Variants in PEAK1 observed in about 807,000 individuals in gnomAD.
The protein encoded by PEAK1 is pseudopodium enriched atypical kinase 1, also known as inactive tyrosine-protein kinase PEAK1.
In PEAK1, 54 loss-of-function variants were observed where a neutral mutation model predicts 124.7. That is an observed-to-expected ratio of 0.43 (90% CI 0.35 to 0.54). PEAK1 has a LOEUF of 0.54. PEAK1 is among the 20% of genes least tolerant of loss of function. PEAK1 has a pLI of 0.01. For missense variants in PEAK1, 2,046 were observed against 2,134.5 expected (o/e 0.96, Z 0.82); for synonymous variants, 719 against 760.0 (o/e 0.95, Z 0.89).
chr15:77,281,158 C>G (rs1356883367), intron 5 of PEAK1, among the ~76,000 whole-genome samples: 1 of 152,016 alleles, frequency 6.6e-6, no homozygotes, highest in East Asian at 1.9e-4. Flanking sequence ...CAGAGCAAGA[C>G]TCTATCTCAA....
chr15:77,309,550 A>G (rs2064307687), intron 2 of PEAK1, among the ~76,000 whole-genome samples: 2 of 152,164 alleles, frequency 1.3e-5, no homozygotes, highest in Non-Finnish European at 2.9e-5. Flanking sequence ...TGAAAATGAT[A>G]GTAATATGCA....
chr15:77,204,510 A>C (rs1425376947), intron 6 of PEAK1: 1 of 153,156 alleles, frequency 6.5e-6, no homozygotes, highest in Non-Finnish European at 1.5e-5. Flanking sequence ...CCAGCTTCAC[A>C]AAGGCTCTCA....
At chr15:77,217,689 G>A (rs2059210402) in intron 6 of PEAK1, among the ~76,000 whole-genome samples, 1 of 152,124 alleles carries the variant, frequency 6.6e-6, no homozygotes, top group South Asian at 2.1e-4. Flanking sequence ...GCATTGATGT[G>A]GTTAAATCCC....
intron 7 of PEAK1, among the ~76,000 whole-genome samples, chr15:77,160,378 TA>T (rs1293600700): frequency 1.3e-5 from 2 of 152,088 alleles, no homozygotes; most frequent in African/African-American, 2.4e-5. Context: ...TAAAGTCCCT[TA>T]AAAATATCAG....
At chr15:77,360,859 C>A (rs145224583) in intron 2 of PEAK1, among the ~76,000 whole-genome samples, 353 of 152,068 alleles carry the variant, frequency 2.3e-3, no homozygotes, top group South Asian at 4.6e-3. Flanking sequence ...AAAGCCCCTA[C>A]CTCTCACCCT....
At chr15:77,183,870 C>T (rs1276947140) in intron 6 of PEAK1, among the ~76,000 whole-genome samples, 1 of 152,056 alleles carries the variant, frequency 6.6e-6, no homozygotes, top group African/African-American at 2.4e-5. Flanking sequence ...CTCTGTCACC[C>T]AGTCTGGTGT....
rs564489513 is a variant in PEAK1, at chr15:77,404,193, T to A, written c.-666+15813A>T. 7.6e-4 allele frequency: 750 copies of A among 985,416 alleles called. 1 individual carries two copies. The South Asian group carries it at 0.014, about 19-fold the overall frequency. 61.0% of individuals were successfully genotyped at this position (985,416 alleles called of 1,614,324 possible). ...ATTTTATTGAGGCAAAGGTTTAACA[T>A]CTTGTGAGACACCAAAGTGAGTGTT... On this transcript the variant is annotated intron_variant, in intron 1 of 9. Transcript: ENST00000682557.
At chr15:77,177,633 ACT>A (rs895625624) in intron 7 of PEAK1, among the ~76,000 whole-genome samples, 36 of 152,134 alleles carry the variant, frequency 2.4e-4, no homozygotes, top group African/African-American at 8.4e-4. Flanking sequence ...TTTACTTCTT[ACT>A]TTAAGTAAGG....
intron 4 of PEAK1, among the ~76,000 whole-genome samples, chr15:77,284,424 T>C (rs2062819135): frequency 6.6e-6 from 1 of 152,164 alleles, no homozygotes; most frequent in South Asian, 2.1e-4. Context: ...ACAAAATGTA[T>C]GAAAACAGGT....
At chr15:77,316,763 A>C (rs1371509036) in intron 2 of PEAK1, among the ~76,000 whole-genome samples, 1 of 152,164 alleles carries the variant, frequency 6.6e-6, no homozygotes, top group Non-Finnish European at 1.5e-5. Flanking sequence ...CTATGGAAAA[A>C]TGTTCAACAT....
At chr15:77,191,610 A>T (rs530564970) in intron 6 of PEAK1, among the ~76,000 whole-genome samples, 1 of 152,350 alleles carries the variant, frequency 6.6e-6, no homozygotes, top group East Asian at 1.9e-4. Context: ...AAACTTTAGC[A>T]TTCCATCTTG....
intron 8 of PEAK1, among the ~76,000 whole-genome samples, chr15:77,134,753 G>C (rs1258611788): frequency 6.6e-6 from 1 of 152,130 alleles, no homozygotes; most frequent in African/African-American, 2.4e-5. Context: ...AGATCTCAGA[G>C]TTATAAGGCT....
At chr15:77,264,076 A>G (rs1166771329) in intron 5 of PEAK1, among the ~76,000 whole-genome samples, 1 of 152,202 alleles carries the variant, frequency 6.6e-6, no homozygotes, top group African/African-American at 2.4e-5. Context: ...AAAAACTCTC[A>G]ATAAATTAGG....
At chr15:77,153,836 C>T (rs1016351295) in intron 8 of PEAK1, among the ~76,000 whole-genome samples, 41 of 152,132 alleles carry the variant, frequency 2.7e-4, no homozygotes, top group African/African-American at 8.7e-4. Context: ...TTGATTGCAC[C>T]GTGGCCTGAG....
rs561833218 is a variant in PEAK1, at chr15:77,241,178, A to AT, written c.-115+11188dup. Among the ~76,000 whole-genome samples the AT allele has an allele frequency of 3.9e-5, 6 of 152,214 alleles. No individual in the cohort carries two copies. In the East Asian group the frequency reaches 7.7e-4, roughly 20 times the overall value. On this transcript the variant is annotated intron_variant, in intron 6 of 9. Coordinates refer to ENST00000682557, the MANE Select transcript of PEAK1 (RefSeq NM_001385026.1). ...TCCTGGAATATACAGAAAGTCCAAA[A>AT]TTTTTTTTAAAAATCCATAAATGTA... is the stretch of plus-strand genomic sequence containing the variant.
chr15:77,396,122 C>T lies in PEAK1; in HGVS notation c.-666+23884G>A, dbSNP rs73448693. Among the ~76,000 whole-genome samples the T allele has an allele frequency of 4.8e-3, 731 of 151,990 alleles. 4 individuals are homozygous for T. The highest frequency in any genetic ancestry group is 0.017 in the African/African-American group (701 of 41,456). ...TAGTTGTTTTCTTTGCTTGTTTATG[C>T]GATCAGTGTTATCACCAATTTAAAA... On this transcript the variant is annotated intron_variant, in intron 1 of 9. Transcript: ENST00000682557.
At chr15:77,347,753 A>G (rs2066953581) in intron 2 of PEAK1, 8 of 977,230 alleles carry the variant, frequency 8.2e-6, no homozygotes, top group Non-Finnish European at 7.3e-6. Flanking sequence ...ATAAATTAGG[A>G]GTTTTTTAAA....
intron 6 of PEAK1, among the ~76,000 whole-genome samples, chr15:77,235,788 G>A (rs1596778128): frequency 6.6e-6 from 1 of 152,196 alleles, no homozygotes; most frequent in Non-Finnish European, 1.5e-5. Context: ...TGTGGGCTGG[G>A]CCCAAGGTCC....
chr15:77,334,760 C>T, intron 2 of PEAK1: 2 of 985,246 alleles, frequency 2.0e-6, no homozygotes, highest in South Asian at 4.7e-5. Context: ...TATCTCCTGA[C>T]CTGTCTTCCT....
Sources: gnomAD v4.1 joint callset for allele counts (sites outside exome capture counted in the v4.1 genomes callset) on GRCh38, gnomAD v4.1.1 for gene constraint, MANE v1.5 for transcripts, NCBI Gene and HGNC (gene_info 2026-07-23, HGNC 2026-07-21) for gene names.